The following CADPS2 variants were observed in gnomAD, a reference collection of about 807,000 sequenced individuals.
CADPS2 encodes the protein calcium dependent secretion activator 2, also known as calcium-dependent secretion activator 2.
CADPS2 carries 93 observed loss-of-function variants against 172.5 expected under a neutral mutation model. That is an observed-to-expected ratio of 0.54 (90% CI 0.46 to 0.64). The LOEUF (loss-of-function observed/expected upper bound fraction) is 0.64. Ranked by LOEUF, CADPS2 falls within the 30% of genes least tolerant of loss-of-function variation. CADPS2 has a pLI of 0.00. For missense variants in CADPS2, 1,420 were observed against 1,565.9 expected, an observed-to-expected ratio of 0.91 and a Z score of 1.57; for synonymous variants, 546 against 555.2, an observed-to-expected ratio of 0.98 and a Z score of 0.23.
At chr7:122,681,127 T>G (rs2082981574) in intron 2 of CADPS2, among the ~76,000 whole-genome samples, 4 of 105,380 alleles carry the variant, frequency 3.8e-5, no homozygotes, top group East Asian at 3.2e-4. Flanking sequence ...TGGGGACTGT[T>G]GTAGGGTGGG....
intron 1 of CADPS2, among the ~76,000 whole-genome samples, chr7:122,808,866 CTTAT>C (rs2140118833): frequency 6.6e-6 from 1 of 152,156 alleles, no homozygotes; most frequent in South Asian, 2.1e-4. Context: ...GAAATATAAG[CTTAT>C]TTATCTTTCA....
intron 2 of CADPS2, among the ~76,000 whole-genome samples, chr7:122,683,052 T>C (rs1356133021): frequency 6.6e-6 from 1 of 152,216 alleles, no homozygotes; most frequent in African/African-American, 2.4e-5. Context: ...TTGGTTCTTG[T>C]CTGGCGTCCA....
chr7:122,690,200 C>T (rs1314195763), intron 2 of CADPS2, among the ~76,000 whole-genome samples: 1 of 152,164 alleles, frequency 6.6e-6, no homozygotes, highest in Non-Finnish European at 1.5e-5. Context: ...AAATCACGTC[C>T]CTCAGGCAAA....
intron 3 of CADPS2, among the ~76,000 whole-genome samples, chr7:122,653,042 C>A (rs1049717901): frequency 6.6e-6 from 1 of 152,100 alleles, no homozygotes; most frequent in African/African-American, 2.4e-5. Flanking sequence ...AGCTCTGGAA[C>A]AAAGGATATT....
At chr7:122,501,819 G>A (rs1267235614) in intron 9 of CADPS2, among the ~76,000 whole-genome samples, 3 of 140,678 alleles carry the variant, frequency 2.1e-5, no homozygotes, top group African/African-American at 2.7e-5. Context: ...AGGTTGCAGT[G>A]AGCTGAGATC....
chr7:122,406,767 G>C (rs957326716), intron 20 of CADPS2, among the ~76,000 whole-genome samples: 1 of 152,108 alleles, frequency 6.6e-6, no homozygotes, highest in African/African-American at 2.4e-5. Flanking sequence ...AGTTCATCTT[G>C]GTGCATCATG....
chr7:122,676,881 T>G, intron 2 of CADPS2: 1 of 485,652 alleles, frequency 2.1e-6, no homozygotes, highest in Middle Eastern at 4.4e-4. Flanking sequence ...AGCCAGTCAA[T>G]GGATTCTTTG....
At chr7:122,582,422 T>C (rs2068963548) in intron 6 of CADPS2, among the ~76,000 whole-genome samples, 1 of 151,980 alleles carries the variant, frequency 6.6e-6, no homozygotes, top group African/African-American at 2.4e-5. Flanking sequence ...GGCATCTAGA[T>C]GCAGTCTTTT....
chr7:122,418,072 A>G (rs892466097), intron 17 of CADPS2, among the ~76,000 whole-genome samples: 7 of 151,922 alleles, frequency 4.6e-5, no homozygotes, highest in African/African-American at 1.7e-4. Context: ...CAGGAGGCTG[A>G]GGCAGGAGAA....
intron 5 of CADPS2, among the ~76,000 whole-genome samples, chr7:122,615,761 A>G (rs1329075963): frequency 1.3e-5 from 2 of 152,102 alleles, no homozygotes; most frequent in African/African-American, 4.8e-5. Context: ...TCAATATGTG[A>G]TATCAGAAAT....
chr7:122,531,717 T>C (rs1157578677), intron 8 of CADPS2, among the ~76,000 whole-genome samples: 1 of 152,082 alleles, frequency 6.6e-6, no homozygotes, highest in Admixed American at 6.6e-5. Context: ...AGTATAAAGA[T>C]ACTACAGAGA....
intron 2 of CADPS2, among the ~76,000 whole-genome samples, chr7:122,731,478 T>C (rs2091635674): frequency 6.6e-6 from 1 of 151,710 alleles, no homozygotes; most frequent in Admixed American, 6.6e-5. Context: ...AGGGGAAGAA[T>C]AGCTTGGAAA....
intron 1 of CADPS2, among the ~76,000 whole-genome samples, chr7:122,830,148 C>T (rs1806108148): frequency 6.6e-6 from 1 of 152,080 alleles, no homozygotes; most frequent in African/African-American, 2.4e-5. Context: ...GCTATTCAAA[C>T]CCAGGTAGTC....
chr7:122,709,383 C>T (rs560381248), intron 2 of CADPS2, among the ~76,000 whole-genome samples: 1 of 152,118 alleles, frequency 6.6e-6, no homozygotes, highest in East Asian at 1.9e-4. Flanking sequence ...GTTAGAATGG[C>T]AATCATTAAA....
chr7:122,508,877 A>G (rs1586732018), intron 9 of CADPS2, among the ~76,000 whole-genome samples: 1 of 152,080 alleles, frequency 6.6e-6, no homozygotes, highest in South Asian at 2.1e-4. Context: ...TGCTGGCAGG[A>G]GTGTTGAAGG....
At chr7:122,650,815 G>A (rs529965103) in intron 3 of CADPS2, among the ~76,000 whole-genome samples, 246 of 152,106 alleles carry the variant, frequency 1.6e-3, no homozygotes, top group Non-Finnish European at 2.8e-3. Context: ...TTCTACCAGA[G>A]ACTCAAATTC....
Position 122,779,424 on chromosome 7 carries a change from C to T in CADPS2, c.340-42356G>A, listed in dbSNP as rs1166146675. ...GCAGCTCTCAGGGAACCAAGCCCAA[C>T]CATATAGCACATTTCAAGCCTCTGC... is the stretch of plus-strand genomic sequence containing the variant. On this transcript the variant is annotated intron_variant, in intron 1 of 29. Transcript: ENST00000449022. Among the ~76,000 whole-genome samples the T allele has an allele frequency of 3.3e-5, 5 of 152,090 alleles. No individual in the cohort carries two copies. In the East Asian group the frequency reaches 9.7e-4, roughly 29 times the overall value.
intron 7 of CADPS2, among the ~76,000 whole-genome samples, chr7:122,556,375 TTC>T (rs1306924001): frequency 6.6e-6 from 1 of 152,094 alleles, no homozygotes; most frequent in Non-Finnish European, 1.5e-5. Context: ...GGAAAGCTTT[TTC>T]TCTTTCTCCA....
At chr7:122,535,471 T>C (rs985482495) in intron 8 of CADPS2, among the ~76,000 whole-genome samples, 1 of 152,070 alleles carries the variant, frequency 6.6e-6, no homozygotes, top group Admixed American at 6.6e-5. Flanking sequence ...GCTTGCTAAT[T>C]AGAGTAGTAG....
Sources: allele counts gnomAD v4.1 joint callset (sites outside exome capture counted in the v4.1 genomes callset), GRCh38; gene constraint gnomAD v4.1.1; transcripts MANE v1.5; gene names NCBI Gene and HGNC (gene_info 2026-07-23, HGNC 2026-07-21).